IL13RA1: variants seen among roughly 807,000 people sequenced by gnomAD.
The protein encoded by IL13RA1 is interleukin-13 receptor subunit alpha-1.
In IL13RA1, 14 loss-of-function variants were observed where a neutral mutation model predicts 33.8. The ratio of observed to expected loss-of-function variants is 0.41; its 90% CI spans 0.27 to 0.65. The LOEUF (loss-of-function observed/expected upper bound fraction) is 0.65. Ranked by LOEUF, IL13RA1 falls within the 30% of genes least tolerant of loss-of-function variation. IL13RA1 has a pLI of 0.28. For synonymous variants in IL13RA1, 116 were observed against 115.7 expected (o/e 1.00, Z -0.02); for missense variants, 313 against 327.0 (o/e 0.96, Z 0.33).
At chrX:118,804,797 C>A in the IL13RA1 span, among the ~76,000 whole-genome samples, 1 of 112,125 alleles carries the variant, frequency 8.9e-6, no homozygotes, top group African/African-American at 3.2e-5. Flanking sequence ...ATATACAGAC[C>A]ATGTGACTAT....
chrX:118,783,014 A>C (rs1221556457), intron 10 of IL13RA1, among the ~76,000 whole-genome samples: 1 of 111,876 alleles, frequency 8.9e-6, no homozygotes, highest in Non-Finnish European at 1.9e-5. Flanking sequence ...GGCATGAAAT[A>C]GGTAGACTTG....
chrX:118,802,801 A>G, the IL13RA1 span, among the ~76,000 whole-genome samples: 1 of 112,141 alleles, frequency 8.9e-6, no homozygotes, highest in African/African-American at 3.2e-5. Flanking sequence ...TCAGTTCTAC[A>G]TGTCTTATTT....
At chrX:118,798,976 C>T (rs1018413134), downstream of IL13RA1, among the ~76,000 whole-genome samples, 5 of 112,211 alleles carry the variant, frequency 4.5e-5, no homozygotes, top group Admixed American at 2.8e-4. Context: ...GAGCGGGAAC[C>T]GGGGCTGCGT....
At chrX:118,763,822 CT>C (rs33970018) in intron 6 of IL13RA1, among the ~76,000 whole-genome samples, 65 of 102,409 alleles carry the variant, frequency 6.3e-4, no homozygotes, top group South Asian at 3.4e-3. Flanking sequence ...AATTGAGTTA[CT>C]TTTTTTTTTT....
chrX:118,753,085 C>G (rs2017488619), intron 4 of IL13RA1, among the ~76,000 whole-genome samples: 1 of 111,774 alleles, frequency 8.9e-6, no homozygotes, highest in Non-Finnish European at 1.9e-5. Context: ...ATATAAGGGA[C>G]TGGAAAAGAA....
chrX:118,766,838 C>A lies in IL13RA1; in HGVS notation c.877-6C>A. 1 of 990,728 alleles carries A rather than the reference C, an allele frequency of 1.0e-6. No homozygotes were observed. The highest frequency in any genetic ancestry group is 2.2e-5 in the South Asian group (1 of 45,508). 81.6% of individuals were successfully genotyped at this position (990,728 alleles called of 1,213,427 possible). A position where few individuals can be genotyped will look rare whatever the true frequency, so the allele number is the denominator to read the frequency against. ...ATTCCTTGTGTATTTTTATTTTATGCCTAAGAATACATCTTGTTTCATGGT... is the reference window on the plus strand; with the variant it reads ...ATTCCTTGTGTATTTTTATTTTATGACTAAGAATACATCTTGTTTCATGGT... On this transcript the variant is annotated splice_region_variant and splice_polypyrimidine_tract_variant and intron_variant, in intron 7 of 10. Coordinates refer to ENST00000371666, the MANE Select transcript of IL13RA1 (RefSeq NM_001560.3).
Position 118,741,080 on chromosome X carries a change from C to T in IL13RA1, c.152C>T (p.Thr51Ile). The change falls in exon 2 of 11, where the codon ACA (threonine) becomes ATA (isoleucine). Residue 51 changes from threonine (T) to isoleucine (I), a missense_variant. Physicochemically the swap from Thr to Ile is moderately conservative, Grantham distance 89. Transcript: ENST00000371666. ...GAAAACCTCTGCACAGTAATATGGA[C>T]ATGGAATCCACCCGAGGGAGCCAGC... ...SVENLCTVIW[T>I]WNPPEGASSN... is the part of the protein sequence containing the mutation. The T allele has an allele frequency of 9.1e-7, 1 of 1,103,498 alleles. No homozygotes were observed. Among genetic ancestry groups the T allele is most frequent in the Non-Finnish European group, 1.3e-6 (1 of 796,696 alleles). 90.9% of individuals were successfully genotyped at this position (1,103,498 alleles called of 1,213,427 possible). A position where few individuals can be genotyped will look rare whatever the true frequency, so the allele number is the denominator to read the frequency against.
At chrX:118,734,204 A>G (rs1008260287) in intron 1 of IL13RA1, among the ~76,000 whole-genome samples, 4 of 112,595 alleles carry the variant, frequency 3.6e-5, no homozygotes, top group Non-Finnish European at 7.5e-5. Flanking sequence ...CACTTTGGAT[A>G]GTATTGACAT....
intron 1 of IL13RA1, among the ~76,000 whole-genome samples, chrX:118,737,087 AT>A (rs2017291425): frequency 8.9e-6 from 1 of 112,655 alleles, no homozygotes; most frequent in Non-Finnish European, 1.9e-5. Flanking sequence ...TGCAACCACA[AT>A]GGCTGCCAGC....
chrX:118,785,520 G>A (rs1455376967), intron 10 of IL13RA1, among the ~76,000 whole-genome samples: 1 of 111,591 alleles, frequency 9.0e-6, no homozygotes, highest in Non-Finnish European at 1.9e-5. Flanking sequence ...TTTGCCCTGT[G>A]TTTCTTCTAG....
downstream of IL13RA1, among the ~76,000 whole-genome samples, chrX:118,796,335 G>A (rs1220481376): frequency 1.8e-5 from 2 of 111,579 alleles, no homozygotes; most frequent in East Asian, 5.6e-4. Context: ...GCTAGTAAGA[G>A]ACTAAGACAA....
Position 118,740,939 on chromosome X carries a change from C to G in IL13RA1, c.89-78C>G, listed in dbSNP as rs757680267. On this transcript the variant is annotated intron_variant, in intron 1 of 10. Transcript: ENST00000371666. Reference sequence around the variant, plus strand: ...AACTCAGTTATTACTGTCTTGTCCTCTAGGACTTGGGAGAATTAAGCAAAC... The same window carrying G: ...AACTCAGTTATTACTGTCTTGTCCTGTAGGACTTGGGAGAATTAAGCAAAC... 5.6e-5 allele frequency: 38 copies of G among 683,085 alleles called. No homozygotes were observed. In the African/African-American group the frequency reaches 5.7e-4, roughly 10 times the overall value. The allele number at this position is 683,085 out of a possible 1,213,427, so 56.3% of individuals were successfully genotyped here.
chrX:118,786,714 T>G (rs2017922351), intron 10 of IL13RA1, among the ~76,000 whole-genome samples: 1 of 112,064 alleles, frequency 8.9e-6, no homozygotes, highest in Non-Finnish European at 1.9e-5. Context: ...CTTTCTTTTT[T>G]GTCGCTCTTG....
chrX:118,745,833 G>T (rs2017398329), intron 2 of IL13RA1, among the ~76,000 whole-genome samples: 1 of 111,377 alleles, frequency 9.0e-6, no homozygotes, highest in Admixed American at 9.6e-5. Context: ...CTGTCAGTTT[G>T]GGAAATGTTA....
At chrX:118,762,793 T>C (rs1344767077) in intron 6 of IL13RA1, among the ~76,000 whole-genome samples, 1 of 112,279 alleles carries the variant, frequency 8.9e-6, no homozygotes, top group Non-Finnish European at 1.9e-5. Context: ...GTCTTTACTG[T>C]TCTCTCCTGT....
intron 1 of IL13RA1, among the ~76,000 whole-genome samples, chrX:118,727,950 G>C (rs894345328): frequency 5.3e-5 from 6 of 112,215 alleles, no homozygotes; most frequent in Non-Finnish European, 9.4e-5. Flanking sequence ...GAGCTGCGGG[G>C]TTTTCCCGAA....
chrX:118,785,297 G>A lies in IL13RA1; in HGVS notation c.1192-6465G>A. On this transcript the variant is annotated intron_variant, in intron 10 of 10. Coordinates refer to ENST00000371666, the MANE Select transcript of IL13RA1 (RefSeq NM_001560.3). ...TTTTTTAGAGATGCAGTCTTGCTGT[G>A]TTGCCCAGTCTGGTCTTGAACTACT... is the stretch of plus-strand genomic sequence containing the variant. Among the ~76,000 whole-genome samples, 2 of 109,709 alleles carry A rather than the reference G, an allele frequency of 1.8e-5. 1 individual carries two copies. The highest frequency in any genetic ancestry group is 9.4e-3 in the Middle Eastern group (2 of 213).
intron 8 of IL13RA1, among the ~76,000 whole-genome samples, chrX:118,771,887 C>T (rs2017725300): frequency 9.0e-6 from 1 of 111,182 alleles, no homozygotes; most frequent in East Asian, 2.8e-4. Flanking sequence ...GCAGGAGAAT[C>T]GCTTGAACCC....
At chrX:118,783,432 G>T (rs186834026) in intron 10 of IL13RA1, among the ~76,000 whole-genome samples, 192 of 111,633 alleles carry the variant, frequency 1.7e-3, no homozygotes, top group African/African-American at 6.0e-3. Context: ...ATAATTCACA[G>T]AATTGAATAA....
Sources: gnomAD v4.1 joint callset for allele counts (sites outside exome capture counted in the v4.1 genomes callset) on GRCh38, gnomAD v4.1.1 for gene constraint, MANE v1.5 for transcripts, NCBI Gene and HGNC (gene_info 2026-07-23, HGNC 2026-07-21) for gene names.